Variants in ASGR2 observed in about 807,000 individuals in gnomAD.
ASGR2 encodes the protein asialoglycoprotein receptor 2, also known as C-type lectin domain family 4 member H2.
ASGR2 carries 34 observed loss-of-function variants against 32.3 expected under a neutral mutation model. The ratio of observed to expected loss-of-function variants is 1.05; its 90% CI spans 0.80 to 1.40. ASGR2 has a LOEUF of 1.40. Ranked by LOEUF, ASGR2 falls within the 40% of genes most tolerant of loss-of-function variation. The probability of loss-of-function intolerance (pLI) is 0.00; values close to 1 mark genes in which losing one functional copy is unlikely to be tolerated. For missense variants in ASGR2, 385 were observed against 386.4 expected, an observed-to-expected ratio of 1.00 and a Z score of 0.03; for synonymous variants, 143 against 150.0, an observed-to-expected ratio of 0.95 and a Z score of 0.34.
intron 7 of ASGR2, among the ~76,000 whole-genome samples, chr17:7,105,465 G>T (rs1160557597): frequency 1.3e-5 from 2 of 152,076 alleles, no homozygotes; most frequent in Non-Finnish European, 2.9e-5. Flanking sequence ...ATCGCTTGAG[G>T]CCAGGGGTTC....
chr17:7,108,956 C>T lies in ASGR2; in HGVS notation c.125-68G>A, dbSNP rs1914254880. On this transcript the variant is annotated intron_variant, in intron 2 of 8. Transcript: ENST00000691900. The surrounding 1 kb of genome is among the most constrained non-coding windows in gnomAD (Gnocchi z 4.9). ...GAGCCGGAGGGTAAAGACAGGGCAC[C>T]GAAGCCTGAGGAGGCATAACCTGGG... is the stretch of plus-strand genomic sequence containing the variant. 3 of 1,509,100 alleles carry T rather than the reference C, an allele frequency of 2.0e-6. No individual in the cohort carries two copies. The highest frequency in any genetic ancestry group is 2.5e-5 in the South Asian group (2 of 80,860). 93.5% of individuals were successfully genotyped at this position (1,509,100 alleles called of 1,614,324 possible). A position where few individuals can be genotyped will look rare whatever the true frequency, so the allele number is the denominator to read the frequency against.
chr17:7,105,450 G>A (rs984420123), intron 7 of ASGR2, among the ~76,000 whole-genome samples: 1 of 152,038 alleles, frequency 6.6e-6, no homozygotes. Flanking sequence ...GGCCCAGGCG[G>A]GCGAATCGCT....
Position 7,114,414 on chromosome 17 carries a change from C to A in ASGR2, c.-70-104G>T. 1 of 1,430,524 alleles carries A rather than the reference C, an allele frequency of 7.0e-7. No individual in the cohort carries two copies. Among genetic ancestry groups the A allele is most frequent in the Non-Finnish European group, 9.1e-7 (1 of 1,096,496 alleles). 88.6% of individuals were successfully genotyped at this position (1,430,524 alleles called of 1,614,324 possible). ...TGGGTAGGATCTGAGGTTGGCAGGG[C>A]GTTTGGGATGAGGTTTGAAATCCCG... On this transcript the variant is annotated intron_variant, in intron 1 of 8. Coordinates refer to ENST00000691900, the MANE Select transcript of ASGR2 (RefSeq NM_001201352.2). The surrounding 1 kb of genome is among the most constrained non-coding windows in gnomAD (Gnocchi z 4.5).
In ASGR2 at chr17:7,107,161, C is replaced by T. The variant is rs1913847485; in HGVS notation, c.497-10G>A. ...CAGGTCCTTTGGGAGCCTGAGGGGA[C>T]AGGGGGCAGGGAGATGAGATCCAGC... On this transcript the variant is annotated splice_polypyrimidine_tract_variant and intron_variant, in intron 6 of 8. Transcript: ENST00000691900. This position sits in a 1 kb window ranked among gnomAD's most constrained non-coding sequence, Gnocchi z 5.0. 2 of 1,614,042 alleles carry T rather than the reference C, an allele frequency of 1.2e-6. No individual in the cohort carries two copies. Among genetic ancestry groups the T allele is most frequent in the South Asian group, 2.2e-5 (2 of 91,090 alleles).
At chr17:7,110,030 AT>A (rs1459980974) in intron 2 of ASGR2, among the ~76,000 whole-genome samples, 2 of 151,932 alleles carry the variant, frequency 1.3e-5, no homozygotes, top group Admixed American at 6.6e-5. Flanking sequence ...TTGTCTTCTC[AT>A]TCCTATCACC....
In ASGR2 at chr17:7,107,745, GCACACTACACACACCGCACACGTA is replaced by G. The variant is rs199979065; in HGVS notation, c.409+67_409+90del. 613,160 of 1,104,890 alleles carry G rather than the reference GCACACTACACACACCGCACACGTA, an allele frequency of 0.55. 133,138 individuals are homozygous for G. Among genetic ancestry groups the G allele is most frequent in the Non-Finnish European group, 0.59 (475,077 of 807,238 alleles). 68.4% of individuals were successfully genotyped at this position (1,104,890 alleles called of 1,614,324 possible). A position where few individuals can be genotyped will look rare whatever the true frequency, so the allele number is the denominator to read the frequency against. On this transcript the variant is annotated intron_variant, in intron 5 of 8. Transcript: ENST00000691900. The surrounding 1 kb of genome is among the most constrained non-coding windows in gnomAD (Gnocchi z 5.0). ...CACACACACGCACGCACGCACACGTGCACACTACACACACCGCACACGTACACACTACACACACCGCACACGTAC... is the reference window on the plus strand; with the variant it reads ...CACACACACGCACGCACGCACACGTGCACACTACACACACCGCACACGTAC...
At chr17:7,105,301 T>C (rs1913500294) in intron 7 of ASGR2, among the ~76,000 whole-genome samples, 1 of 152,058 alleles carries the variant, frequency 6.6e-6, no homozygotes, top group South Asian at 2.1e-4. Context: ...GTTAAACATA[T>C]CTATTAGAAT....
In ASGR2 at chr17:7,114,223, T is replaced by C. The variant is rs767982411; in HGVS notation, c.18A>G (p.Gln6=). The change falls in exon 2 of 9, where the codon CAA becomes CAG. Residue 6 remains glutamine (Q), a synonymous_variant. Transcript: ENST00000691900. The surrounding 1 kb of genome is among the most constrained non-coding windows in gnomAD (Gnocchi z 4.5). MAKDF[Q]DIQQLSSEEN... ...CCTCCGAGCTCAGCTGCTGGATATC[T>C]TGAAAGTCCTTGGCCATGATGGGGC... 10 of 1,614,004 alleles carry C rather than the reference T, an allele frequency of 6.2e-6. No homozygotes were observed. Among genetic ancestry groups the C allele is most frequent in the Non-Finnish European group, 8.5e-6 (10 of 1,180,032 alleles).
chr17:7,113,551 A>T lies in ASGR2; in HGVS notation c.124+566T>A, dbSNP rs200604818. On this transcript the variant is annotated intron_variant, in intron 2 of 8. Coordinates refer to ENST00000691900, the MANE Select transcript of ASGR2 (RefSeq NM_001201352.2). This position sits in a 1 kb window ranked among gnomAD's most constrained non-coding sequence, Gnocchi z 5.1. ...ATACACACACTCATACACAACATAC[A>T]TACACACAACATACACACAACATAC... 8.0e-5 allele frequency among the ~76,000 whole-genome samples: 12 copies of T among 150,452 alleles called. No individual in the cohort carries two copies. Among genetic ancestry groups the T allele is most frequent in the East Asian group, 5.9e-4 (3 of 5,110 alleles).
rs781312021 is a variant in ASGR2 at position 7,107,201 on chromosome 17, C to A, written c.496+30G>T. The A allele has an allele frequency of 2.5e-6, 4 of 1,614,090 alleles. No homozygotes were observed. The highest frequency in any genetic ancestry group is 3.4e-6 in the Non-Finnish European group (4 of 1,180,042). On this transcript the variant is annotated intron_variant, in intron 6 of 8. Coordinates refer to ENST00000691900, the MANE Select transcript of ASGR2 (RefSeq NM_001201352.2). This position sits in a 1 kb window ranked among gnomAD's most constrained non-coding sequence, Gnocchi z 5.0. ...TGAGATCCAGCCGGAGGGGCAGGCA[C>A]ACTGGGCCTGGAGACGGCCCCACCC...
Position 7,108,423 on chromosome 17 carries a change from T to C in ASGR2, c.337+39A>G, listed in dbSNP as rs1399776079. 3.2e-6 allele frequency: 5 copies of C among 1,549,880 alleles called. No individual in the cohort carries two copies. Among genetic ancestry groups the C allele is most frequent in the East Asian group, 2.4e-5 (1 of 42,012 alleles). On this transcript the variant is annotated intron_variant, in intron 4 of 8. Transcript: ENST00000691900. The surrounding 1 kb of genome is among the most constrained non-coding windows in gnomAD (Gnocchi z 4.9). Reference sequence around the variant, plus strand: ...GACTCGGCACTGAGCCCAGCAAACCTGTGCGGATAAATGAGAACCCAGCCG... The same window carrying C: ...GACTCGGCACTGAGCCCAGCAAACCCGTGCGGATAAATGAGAACCCAGCCG...
chr17:7,108,396 C>A lies in ASGR2; in HGVS notation c.337+66G>T. On this transcript the variant is annotated intron_variant, in intron 4 of 8. Coordinates refer to ENST00000691900, the MANE Select transcript of ASGR2 (RefSeq NM_001201352.2). The surrounding 1 kb of genome is among the most constrained non-coding windows in gnomAD (Gnocchi z 4.9). The stretch of plus-strand genomic sequence containing the variant: ...CACGGCACCCCACACAGCCCTGTTG[C>A]AGACTCGGCACTGAGCCCAGCAAAC... 6.7e-7 allele frequency: 1 copy of A among 1,492,856 alleles called. No individual in the cohort carries two copies. The highest frequency in any genetic ancestry group is 9.1e-7 in the Non-Finnish European group (1 of 1,103,392). 92.5% of individuals were successfully genotyped at this position (1,492,856 alleles called of 1,614,324 possible). A position where few individuals can be genotyped will look rare whatever the true frequency, so the allele number is the denominator to read the frequency against.
At chr17:7,110,889 G>C (rs542746071) in intron 2 of ASGR2, among the ~76,000 whole-genome samples, 94 of 152,282 alleles carry the variant, frequency 6.2e-4, no homozygotes, top group African/African-American at 2.1e-3. Flanking sequence ...CCAGCTTACT[G>C]TTTGGAGAGA....
intron 2 of ASGR2, 124 bp from the exon 3 acceptor site, chr17:7,109,012 G>C: frequency 2.1e-5 from 13 of 633,034 alleles, no homozygotes; most frequent in East Asian, 3.7e-5. Flanking sequence ...ATGGGGGGGG[G>C]TCATCATAGG....
In ASGR2 at chr17:7,107,950, C is replaced by T. The variant is rs372891947; in HGVS notation, c.338-43G>A. 16 of 1,609,364 alleles carry T rather than the reference C, an allele frequency of 9.9e-6. No individual in the cohort carries two copies. Among genetic ancestry groups the T allele is most frequent in the African/African-American group, 5.3e-5 (4 of 74,820 alleles). ...GCTGTTTCCCCGCTGAGCCTCCCTC[C>T]GTCCTCATGCTGCTGGGGGACCGGG... On this transcript the variant is annotated intron_variant, in intron 4 of 8. Transcript: ENST00000691900. This position sits in a 1 kb window ranked among gnomAD's most constrained non-coding sequence, Gnocchi z 5.0.
intron 8 of ASGR2, 49 bp downstream of exon 8, chr17:7,102,041 G>C (rs763100608): frequency 6.4e-7 from 1 of 1,558,240 alleles, no homozygotes; most frequent in Admixed American, 1.7e-5. Context: ...AGGCCAGGGG[G>C]CTGTCCCCAG....
intron 7 of ASGR2, 21 bp downstream of exon 7, chr17:7,106,979 C>G: frequency 6.2e-7 from 1 of 1,613,810 alleles, no homozygotes; most frequent in Non-Finnish European, 8.5e-7. Context: ...TTCCTCCTGC[C>G]TGTGGGAAGC....
At chr17:7,106,494 A>G (rs1913701275) in intron 7 of ASGR2, among the ~76,000 whole-genome samples, 2 of 152,242 alleles carry the variant, frequency 1.3e-5, no homozygotes, top group Admixed American at 1.3e-4. Context: ...TCAGTAAAGC[A>G]AAATATGTTC....
At chr17:7,106,745 T>C (rs1296257710) in intron 7 of ASGR2, among the ~76,000 whole-genome samples, 1 of 151,300 alleles carries the variant, frequency 6.6e-6, no homozygotes, top group African/African-American at 2.4e-5. Flanking sequence ...CTACTAAAAA[T>C]ACAAAAAAAT....
Sources: gnomAD v4.1 joint callset for allele counts (sites outside exome capture counted in the v4.1 genomes callset) on GRCh38, gnomAD v4.1.1 for gene constraint, Gnocchi (gnomAD v3.1) non-coding constraint, MANE v1.5 for transcripts, NCBI Gene and HGNC (gene_info 2026-07-23, HGNC 2026-07-21) for gene names.